CNTN4: variants seen among roughly 807,000 people sequenced by gnomAD.
CNTN4 encodes the protein contactin-4.
A neutral mutation model predicts 122.5 loss-of-function variants in CNTN4; 77 were observed. The ratio of observed to expected loss-of-function variants is 0.63; its 90% CI spans 0.52 to 0.76. CNTN4 has a LOEUF of 0.76. Ranked by LOEUF, CNTN4 falls within the 30% of genes least tolerant of loss-of-function variation. CNTN4 has a pLI of 0.00. For missense variants in CNTN4, 1,256 were observed against 1,259.1 expected (o/e 1.00, Z 0.04); for synonymous variants, 512 against 447.0 (o/e 1.15, Z -1.83).
intron 4 of CNTN4, among the ~76,000 whole-genome samples, chr3:2,696,181 A>C (rs989418997): frequency 2.0e-4 from 31 of 152,380 alleles, no homozygotes; most frequent in Non-Finnish European, 1.2e-4. Context: ...TCAAGAGATC[A>C]TAAATAATCA....
At chr3:2,376,382 G>A (rs945425258) in intron 3 of CNTN4, among the ~76,000 whole-genome samples, 1 of 152,174 alleles carries the variant, frequency 6.6e-6, no homozygotes, top group Non-Finnish European at 1.5e-5. Context: ...TGGTGTTGAT[G>A]TGTTTTATGG....
chr3:3,023,820 A>G (rs943958693), intron 14 of CNTN4, among the ~76,000 whole-genome samples: 1 of 152,204 alleles, frequency 6.6e-6, no homozygotes, highest in Non-Finnish European at 1.5e-5. Context: ...AGTTGACTAC[A>G]CATAGGAGTG....
chr3:2,111,193 T>C (rs1430103717), intron 2 of CNTN4, among the ~76,000 whole-genome samples: 2 of 152,212 alleles, frequency 1.3e-5, no homozygotes, highest in East Asian at 3.8e-4. Flanking sequence ...ACTATTAAGG[T>C]GGCTGTAATG....
intron 2 of CNTN4, among the ~76,000 whole-genome samples, chr3:2,177,774 CCTTTA>C (rs1342263922): frequency 4.0e-5 from 6 of 151,686 alleles, no homozygotes; most frequent in Non-Finnish European, 8.8e-5. Flanking sequence ...AGAATAATCT[CCTTTA>C]CTTAAGCTGA....
chr3:2,521,343 T>TCGACCCCCCCCCCCCC (rs781282977), intron 3 of CNTN4, among the ~76,000 whole-genome samples: 1 of 128,310 alleles, frequency 7.8e-6, no homozygotes, highest in Non-Finnish European at 1.6e-5. Flanking sequence ...CCTCTACCCA[T>TCGACCCCCCCCCCCCC]CCCCCCCACC....
chr3:2,875,493 A>G (rs924332993), intron 8 of CNTN4, among the ~76,000 whole-genome samples: 8 of 152,104 alleles, frequency 5.3e-5, no homozygotes, highest in Middle Eastern at 3.2e-3. Flanking sequence ...TTATGGGCCC[A>G]CCACCTATTT....
chr3:2,210,555 T>G (rs2038570242), intron 2 of CNTN4, among the ~76,000 whole-genome samples: 1 of 152,176 alleles, frequency 6.6e-6, no homozygotes, highest in African/African-American at 2.4e-5. Context: ...AATTGGGGAT[T>G]ATCTCCATTG....
intron 2 of CNTN4, among the ~76,000 whole-genome samples, chr3:2,186,627 C>G (rs916787432): frequency 3.3e-5 from 5 of 152,180 alleles, no homozygotes; most frequent in Admixed American, 6.5e-5. Context: ...GCCATTCTAA[C>G]TGGTGTGAGA....
intron 2 of CNTN4, among the ~76,000 whole-genome samples, chr3:2,226,651 A>G (rs2039294926): frequency 6.6e-6 from 1 of 152,190 alleles, no homozygotes; most frequent in Non-Finnish European, 1.5e-5. Flanking sequence ...GCAAATATTT[A>G]TCATGGATAG....
At chr3:2,648,548 A>T (rs1338119003) in intron 4 of CNTN4, among the ~76,000 whole-genome samples, 3 of 152,136 alleles carry the variant, frequency 2.0e-5, no homozygotes, top group Non-Finnish European at 2.9e-5. Context: ...CCCATATAAG[A>T]CGAAGAACTT....
Position 2,209,172 on chromosome 3 carries a change from G to T in CNTN4, c.-145+108533G>T, listed in dbSNP as rs187175089. On this transcript the variant is annotated intron_variant, in intron 2 of 24. Transcript: ENST00000418658. ...TGAATACAAATGTATCCTTCTATTT[G>T]TGGCCCACTATTTTACAGAGCCTCT... Among the ~76,000 whole-genome samples the T allele has an allele frequency of 3.5e-3, 540 of 152,140 alleles. 4 individuals are homozygous for T. Among genetic ancestry groups the T allele is most frequent in the African/African-American group, 0.012 (498 of 41,508 alleles).
intron 2 of CNTN4, among the ~76,000 whole-genome samples, chr3:2,232,701 A>C (rs946744746): frequency 6.6e-6 from 1 of 152,232 alleles, no homozygotes; most frequent in African/African-American, 2.4e-5. Flanking sequence ...ACAGTGTAAC[A>C]CTTTTGATCT....
chr3:2,791,689 A>C (rs58844853), intron 6 of CNTN4, among the ~76,000 whole-genome samples: 76,990 of 152,062 alleles, frequency 0.51, 19,554 homozygotes, highest in East Asian at 0.62. Context: ...GAAACAAAAG[A>C]AATGTGTTCT....
At chr3:2,549,977 T>G (rs2078418786) in intron 3 of CNTN4, among the ~76,000 whole-genome samples, 1 of 152,162 alleles carries the variant, frequency 6.6e-6, no homozygotes, top group Non-Finnish European at 1.5e-5. Context: ...ATTTTCCAGT[T>G]TATTTGCGTA....
chr3:2,995,990 G>A lies in CNTN4; in HGVS notation c.1486+7518G>A, dbSNP rs528917337. ...AGGAAATTAAAGAATAATACATATG[G>A]TATCATTTTATTTAATATATTGTAT... On this transcript the variant is annotated intron_variant, in intron 14 of 24. Coordinates refer to ENST00000418658, the MANE Select transcript of CNTN4 (RefSeq NM_175607.3). 3.3e-5 allele frequency among the ~76,000 whole-genome samples: 5 copies of A among 152,046 alleles called. No homozygotes were observed. The South Asian group carries it at 1.0e-3, about 32-fold the overall frequency.
At chr3:2,521,854 A>G (rs1421687262) in intron 3 of CNTN4, among the ~76,000 whole-genome samples, 1 of 152,042 alleles carries the variant, frequency 6.6e-6, no homozygotes, top group Non-Finnish European at 1.5e-5. Context: ...AGAGGGCTCA[A>G]CACTGTGGAG....
chr3:2,465,848 C>T (rs2075478579), intron 3 of CNTN4, among the ~76,000 whole-genome samples: 1 of 151,996 alleles, frequency 6.6e-6, no homozygotes, highest in Non-Finnish European at 1.5e-5. Flanking sequence ...TGCTATAGGT[C>T]TACAGTTTAC....
chr3:2,464,358 T>C (rs550640289), intron 3 of CNTN4, among the ~76,000 whole-genome samples: 2 of 152,358 alleles, frequency 1.3e-5, no homozygotes, highest in Admixed American at 6.5e-5. Context: ...CATTAGGAAC[T>C]AGTCTTTTTG....
intron 13 of CNTN4, among the ~76,000 whole-genome samples, chr3:2,957,101 A>C (rs1348203627): frequency 3.3e-5 from 5 of 152,180 alleles, no homozygotes; most frequent in African/African-American, 1.2e-4. Context: ...TGAATATGGG[A>C]GTGCAGATAG....
Sources: gnomAD v4.1 joint callset for allele counts (sites outside exome capture counted in the v4.1 genomes callset) on GRCh38, gnomAD v4.1.1 for gene constraint, MANE v1.5 for transcripts, NCBI Gene and HGNC (gene_info 2026-07-23, HGNC 2026-07-21) for gene names.